NPSR1: variants seen among roughly 807,000 people sequenced by gnomAD.
NPSR1 encodes neuropeptide S receptor 1.
Under a neutral mutation model 46.9 loss-of-function variants are expected in NPSR1, and 48 were observed. The ratio of observed to expected loss-of-function variants is 1.02; its 90% CI spans 0.81 to 1.30. The LOEUF (loss-of-function observed/expected upper bound fraction) is 1.30, where lower values mean the gene tolerates loss of function less well. Ranked by LOEUF, NPSR1 falls within the 50% of genes most tolerant of loss-of-function variation. The probability of loss-of-function intolerance (pLI) is 0.00; values close to 1 mark genes in which losing one functional copy is unlikely to be tolerated. For synonymous variants in NPSR1, 176 were observed against 168.1 expected (o/e 1.05, Z -0.36); for missense variants, 450 against 449.5 (o/e 1.00, Z -0.01).
At chr7:34,840,534 C>T (rs760005890) in intron 6 of NPSR1, among the ~76,000 whole-genome samples, 7 of 152,096 alleles carry the variant, frequency 4.6e-5, no homozygotes, top group African/African-American at 1.2e-4. Context: ...CAGGTATCCC[C>T]GGGAAGAGCA....
At chr7:34,810,135 C>G (rs914033572) in intron 3 of NPSR1, among the ~76,000 whole-genome samples, 12 of 152,126 alleles carry the variant, frequency 7.9e-5, no homozygotes, top group Non-Finnish European at 1.5e-4. Context: ...CAAAAAGGCA[C>G]GAATTCAGAA....
intron 2 of NPSR1, among the ~76,000 whole-genome samples, chr7:34,759,507 C>T (rs1377256685): frequency 6.6e-6 from 1 of 152,148 alleles, no homozygotes; most frequent in Non-Finnish European, 1.5e-5. Flanking sequence ...ACATGTTTCT[C>T]AGCATTTTTG....
Position 34,747,090 on chromosome 7 carries a change from A to C in NPSR1, c.281-31372A>C, listed in dbSNP as rs974220352. ...CAGTGAGCCGAGACTGCGCCACTGC[A>C]CTCCAGCCTGGCGACAGAGCAAGAC... On this transcript the variant is annotated intron_variant, in intron 2 of 8. Coordinates refer to ENST00000360581, the MANE Select transcript of NPSR1 (RefSeq NM_207172.2). Among the ~76,000 whole-genome samples, 9 of 146,630 alleles carry C rather than the reference A, an allele frequency of 6.1e-5. 1 individual carries two copies. The highest frequency in any genetic ancestry group is 2.3e-4 in the African/African-American group (9 of 39,676).
intron 2 of NPSR1, among the ~76,000 whole-genome samples, chr7:34,708,397 C>G (rs1250964576): frequency 2.0e-5 from 3 of 152,160 alleles, no homozygotes; most frequent in African/African-American, 7.2e-5. Context: ...AGGCTGAAGT[C>G]AAATGTCTCA....
At chr7:34,859,991 C>A (rs1791150988) in intron 8 of NPSR1, among the ~76,000 whole-genome samples, 1 of 152,002 alleles carries the variant, frequency 6.6e-6, no homozygotes, top group Admixed American at 6.5e-5. Context: ...CTGAGTCCAA[C>A]TTTATTGCTT....
At chr7:34,830,371 T>C (rs772506156) in intron 5 of NPSR1, among the ~76,000 whole-genome samples, 12 of 152,140 alleles carry the variant, frequency 7.9e-5, no homozygotes, top group Non-Finnish European at 1.8e-4. Flanking sequence ...AAAAAACATA[T>C]CTTAGTTGTT....
At chr7:34,845,456 C>T in intron 7 of NPSR1, 1 of 390,010 alleles carries the variant, frequency 2.6e-6, no homozygotes, top group Non-Finnish European at 5.0e-6. Flanking sequence ...CTTTTCCTTT[C>T]TCTCTACTCT....
At chr7:34,766,222 CA>C (rs1466168965) in intron 2 of NPSR1, among the ~76,000 whole-genome samples, 4 of 152,112 alleles carry the variant, frequency 2.6e-5, no homozygotes, top group Admixed American at 6.5e-5. Flanking sequence ...TGTGTGCAAC[CA>C]CAGTCTCTCT....
intron 2 of NPSR1, among the ~76,000 whole-genome samples, chr7:34,772,104 T>C (rs35313373): frequency 0.069 from 10,477 of 152,252 alleles, 1,040 homozygotes; most frequent in African/African-American, 0.22. Context: ...GTTTTGTTTT[T>C]CTTAAAGCCT....
intron 8 of NPSR1, among the ~76,000 whole-genome samples, chr7:34,870,573 G>A (rs1791427065): frequency 6.6e-6 from 1 of 151,772 alleles, no homozygotes; most frequent in African/African-American, 2.4e-5. Flanking sequence ...TTATGTAAAT[G>A]GTTGGACTGG....
intron 8 of NPSR1, among the ~76,000 whole-genome samples, chr7:34,860,622 A>T (rs537144607): frequency 1.3e-5 from 2 of 151,902 alleles, no homozygotes; most frequent in African/African-American, 4.9e-5. Context: ...GGAAATATAT[A>T]AGGAAAATCA....
chr7:34,769,909 A>C, intron 2 of NPSR1, among the ~76,000 whole-genome samples: 1 of 152,212 alleles, frequency 6.6e-6, no homozygotes, highest in East Asian at 1.9e-4. Context: ...CTTTGTTCCC[A>C]AGGTCTTGTT....
At chr7:34,701,106 T>C (rs969151379) in intron 2 of NPSR1, among the ~76,000 whole-genome samples, 4 of 152,218 alleles carry the variant, frequency 2.6e-5, no homozygotes, top group African/African-American at 9.7e-5. Context: ...GACCAGACTT[T>C]GTCATATACC....
chr7:34,794,150 T>C (rs1788068569), intron 3 of NPSR1, among the ~76,000 whole-genome samples: 2 of 152,112 alleles, frequency 1.3e-5, no homozygotes, highest in South Asian at 4.1e-4. Flanking sequence ...TCTAGTGTTC[T>C]ATTGCACATC....
At chr7:34,869,915 A>G (rs1562780359) in intron 8 of NPSR1, among the ~76,000 whole-genome samples, 1 of 151,746 alleles carries the variant, frequency 6.6e-6, no homozygotes, top group Non-Finnish European at 1.5e-5. Flanking sequence ...CTTGAAATCA[A>G]CCTGGGTGGG....
chr7:34,791,743 T>C (rs138857471), intron 3 of NPSR1, among the ~76,000 whole-genome samples: 53 of 152,222 alleles, frequency 3.5e-4, no homozygotes, highest in South Asian at 1.4e-3. Context: ...GAATTGCCAG[T>C]GTTAACTTGA....
chr7:34,716,049 G>GGATGT (rs1324296958), intron 2 of NPSR1, among the ~76,000 whole-genome samples: 6 of 151,664 alleles, frequency 4.0e-5, no homozygotes, highest in Non-Finnish European at 7.4e-5. Flanking sequence ...GTGGCCTCCA[G>GGATGT]AGCTGAGTCC....
chr7:34,716,721 C>T (rs1783592552), intron 2 of NPSR1, among the ~76,000 whole-genome samples: 1 of 152,062 alleles, frequency 6.6e-6, no homozygotes, highest in Non-Finnish European at 1.5e-5. Context: ...AATCCTTTAT[C>T]TCTCCTCCTC....
chr7:34,778,419 TA>T, intron 2 of NPSR1, 42 bp from the exon 3 acceptor site: 1 of 1,167,448 alleles, frequency 8.6e-7, no homozygotes, highest in Non-Finnish European at 1.2e-6. Context: ...AAAATAAAAA[TA>T]AAAATAAACC....
Sources: allele counts gnomAD v4.1 joint callset (sites outside exome capture counted in the v4.1 genomes callset), GRCh38; gene constraint gnomAD v4.1.1; transcripts MANE v1.5; gene names NCBI Gene and HGNC (gene_info 2026-07-23, HGNC 2026-07-21).